Variants in SGIP1 observed in about 807,000 individuals in gnomAD.
The protein encoded by SGIP1 is SH3-containing GRB2-like protein 3-interacting protein 1.
A neutral mutation model predicts 107.5 loss-of-function variants in SGIP1; 38 were observed. That is an observed-to-expected ratio of 0.35 (90% CI 0.27 to 0.46). The LOEUF is 0.46. Ranked by LOEUF, SGIP1 falls within the 20% of genes least tolerant of loss-of-function variation. The pLI is 1.00. For synonymous variants in SGIP1, 365 were observed against 366.1 expected (o/e 1.00, Z 0.03); for missense variants, 929 against 1,019.5 (o/e 0.91, Z 1.21).
At chr1:66,585,973 A>C (rs116310013) in intron 1 of SGIP1, among the ~76,000 whole-genome samples, 5,923 of 152,246 alleles carry the variant, frequency 0.039, 139 homozygotes, top group Non-Finnish European at 0.056. Flanking sequence ...TCCAACTACA[A>C]TTGTGGATTT....
Position 66,704,946 on chromosome 1 carries a change from ATAGT to A in SGIP1, c.1630+9458_1630+9461del, listed in dbSNP as rs2092358019. ...TCAAAAGTAATCATTTCCTAAGATA[ATAGT>A]TAGTATTAATGAATATTTAATATGT... On this transcript the variant is annotated intron_variant, in intron 18 of 24. Coordinates refer to ENST00000371037, the MANE Select transcript of SGIP1 (RefSeq NM_032291.4). Among the ~76,000 whole-genome samples, 4 of 152,220 alleles carry A rather than the reference ATAGT, an allele frequency of 2.6e-5. No individual in the cohort carries two copies. In the South Asian group the frequency reaches 8.3e-4, roughly 31 times the overall value.
chr1:66,568,180 T>G (rs946912210), intron 1 of SGIP1, among the ~76,000 whole-genome samples: 12 of 152,150 alleles, frequency 7.9e-5, no homozygotes, highest in Admixed American at 7.9e-4. Context: ...CTTATTTCCT[T>G]GAGCAGTGGT....
At chr1:66,733,359 G>T (rs111324243) in intron 20 of SGIP1, among the ~76,000 whole-genome samples, 2 of 152,232 alleles carry the variant, frequency 1.3e-5, no homozygotes, top group African/African-American at 4.8e-5. Context: ...TAATTCAAAA[G>T]TAAATAAACG....
intron 1 of SGIP1, among the ~76,000 whole-genome samples, chr1:66,609,042 T>TCACTTATATCCCACAGGGATGAAGGC (rs1338096238): frequency 6.6e-6 from 1 of 152,208 alleles, no homozygotes; most frequent in Non-Finnish European, 1.5e-5. Flanking sequence ...GGGATGAAGG[T>TCACTTATATCCCACAGGGATGAAGGC]CACTTTTGAC....
intron 1 of SGIP1, among the ~76,000 whole-genome samples, chr1:66,596,571 T>A (rs1226297733): frequency 6.6e-6 from 1 of 151,792 alleles, no homozygotes; most frequent in African/African-American, 2.4e-5. Context: ...AAGGGGAAGA[T>A]AAGTTCTCAA....
At chr1:66,589,203 T>C (rs1205923005) in intron 1 of SGIP1, among the ~76,000 whole-genome samples, 2 of 82,018 alleles carry the variant, frequency 2.4e-5, no homozygotes, top group African/African-American at 8.8e-5. Flanking sequence ...TATATATATA[T>C]ATATATATAT....
At chr1:66,739,996 T>C (rs1013164748) in intron 22 of SGIP1, among the ~76,000 whole-genome samples, 20 of 152,216 alleles carry the variant, frequency 1.3e-4, no homozygotes, top group African/African-American at 4.6e-4. Context: ...AGATTGCTGA[T>C]CAGAGGAAAA....
chr1:66,631,837 A>G (rs553123758), intron 2 of SGIP1, among the ~76,000 whole-genome samples: 1 of 152,198 alleles, frequency 6.6e-6, no homozygotes, highest in Admixed American at 6.5e-5. Context: ...GTTCACCTCA[A>G]GCACTTATTA....
At chr1:66,563,048 G>A (rs964662536) in intron 1 of SGIP1, among the ~76,000 whole-genome samples, 4 of 151,882 alleles carry the variant, frequency 2.6e-5, no homozygotes, top group African/African-American at 7.3e-5. Flanking sequence ...AAAACAGGGA[G>A]GCAAGAGCAT....
intron 1 of SGIP1, among the ~76,000 whole-genome samples, chr1:66,585,985 T>C (rs1325962566): frequency 1.3e-5 from 2 of 152,212 alleles, no homozygotes; most frequent in Non-Finnish European, 2.9e-5. Context: ...TGTGGATTTG[T>C]CTTTTTCTTC....
intron 8 of SGIP1, among the ~76,000 whole-genome samples, chr1:66,663,629 T>C (rs2081967640): frequency 6.6e-6 from 1 of 152,186 alleles, no homozygotes; most frequent in Non-Finnish European, 1.5e-5. Flanking sequence ...GTCTGTACTT[T>C]GCACAGCTTC....
chr1:66,559,614 C>G (rs1368599602), intron 1 of SGIP1, among the ~76,000 whole-genome samples: 1 of 152,044 alleles, frequency 6.6e-6, no homozygotes, highest in African/African-American at 2.4e-5. Context: ...GCTTTCGTTT[C>G]TCTACTCTGC....
intron 7 of SGIP1, among the ~76,000 whole-genome samples, chr1:66,655,032 G>A (rs1300777380): frequency 6.6e-6 from 1 of 152,132 alleles, no homozygotes; most frequent in Non-Finnish European, 1.5e-5. Context: ...AATGACAAAT[G>A]ACAGCACATA....
chr1:66,624,399 C>A (rs143657430), intron 1 of SGIP1, among the ~76,000 whole-genome samples: 1 of 152,120 alleles, frequency 6.6e-6, no homozygotes, highest in Non-Finnish European at 1.5e-5. Flanking sequence ...AATGTCAATA[C>A]ATTTTCCTAT....
intron 21 of SGIP1, among the ~76,000 whole-genome samples, chr1:66,737,019 T>G (rs1184508871): frequency 6.6e-6 from 1 of 152,152 alleles, no homozygotes. Flanking sequence ...AATTAAAATA[T>G]AATAGAAAAC....
chr1:66,652,905 A>G (rs1379323879), intron 7 of SGIP1, among the ~76,000 whole-genome samples: 1 of 152,236 alleles, frequency 6.6e-6, no homozygotes, highest in East Asian at 1.9e-4. Flanking sequence ...TTAGTAAATT[A>G]GAAGGCAGAG....
At position 66,534,811 on chromosome 1, in the gene SGIP1, T is replaced by C. The variant is rs114963677; in HGVS notation, c.10+443T>C. ...CATACAGACATTTTCAGTGAACTGT[T>C]TAAAATTGTAAAAATTCTCATAAGG... On this transcript the variant is annotated intron_variant, in intron 1 of 24. Coordinates refer to ENST00000371037, the MANE Select transcript of SGIP1 (RefSeq NM_032291.4). Among the ~76,000 whole-genome samples, 1,170 of 152,318 alleles carry C rather than the reference T, an allele frequency of 7.7e-3. 13 individuals carry two copies. Among genetic ancestry groups the C allele is most frequent in the African/African-American group, 0.026 (1,082 of 41,568 alleles).
At chr1:66,643,086 G>A (rs921977020) in intron 6 of SGIP1, among the ~76,000 whole-genome samples, 3 of 21,430 alleles carry the variant, frequency 1.4e-4, no homozygotes, top group South Asian at 5.7e-3. Flanking sequence ...AGAGAAAAAC[G>A]TGCTAAAAAA....
At chr1:66,708,871 A>G (rs17129365) in intron 18 of SGIP1, among the ~76,000 whole-genome samples, 24,668 of 152,062 alleles carry the variant, frequency 0.16, 2,187 homozygotes, top group Middle Eastern at 0.2. Flanking sequence ...CTCTAATCCT[A>G]TTTACATACT....
Sources: allele counts gnomAD v4.1 joint callset (sites outside exome capture counted in the v4.1 genomes callset), GRCh38; gene constraint gnomAD v4.1.1; transcripts MANE v1.5; gene names NCBI Gene and HGNC (gene_info 2026-07-23, HGNC 2026-07-21).